The following LAMA1 variants were observed in gnomAD, a reference collection of about 807,000 sequenced individuals.
LAMA1 encodes laminin subunit alpha-1.
In LAMA1, 219 loss-of-function variants were observed where a neutral mutation model predicts 348.7. The observed-to-expected ratio is 0.63, with a 90% CI of 0.56 to 0.70. The LOEUF is 0.70. Among genes scored for constraint, LAMA1 ranks in the 30% least tolerant of loss-of-function variants. The pLI, the probability that LAMA1 is intolerant of heterozygous loss-of-function variation, is 0.00. For missense variants in LAMA1, 3,744 were observed against 3,888.0 expected (o/e 0.96, Z 0.99); for synonymous variants, 1,487 against 1,491.0 (o/e 1.00, Z 0.06).
At position 7,020,743 on chromosome 18, in the gene LAMA1, C is replaced by T. The variant is rs2057911696; in HGVS notation, c.2701+2421G>A. Among the ~76,000 whole-genome samples the T allele has an allele frequency of 2.0e-5, 3 of 152,328 alleles. No individual in the cohort carries two copies. In the South Asian group the frequency reaches 6.2e-4, roughly 32 times the overall value. ...ACCTATTTTACGTCTTCTCTTTTAT[C>T]TCCATGGCAAAGGCCCTACCTGAAG... is the stretch of plus-strand genomic sequence containing the variant. On this transcript the variant is annotated intron_variant, in intron 19 of 62. Coordinates refer to ENST00000389658, the MANE Select transcript of LAMA1 (RefSeq NM_005559.4).
chr18:7,071,566 G>T (rs959740518), intron 3 of LAMA1, among the ~76,000 whole-genome samples: 1 of 152,178 alleles, frequency 6.6e-6, no homozygotes, highest in Non-Finnish European at 1.5e-5. Flanking sequence ...AAAATGTCAG[G>T]CCTGAGGATT....
At chr18:6,986,652 T>C (rs2057736990) in intron 36 of LAMA1, among the ~76,000 whole-genome samples, 1 of 152,040 alleles carries the variant, frequency 6.6e-6, no homozygotes, top group South Asian at 2.1e-4. Flanking sequence ...CATGTTCCCA[T>C]ATAGTTTGCT....
At chr18:7,095,926 G>A (rs1263425876) in intron 1 of LAMA1, among the ~76,000 whole-genome samples, 1 of 152,222 alleles carries the variant, frequency 6.6e-6, no homozygotes, top group African/African-American at 2.4e-5. Flanking sequence ...AAATTCGCCA[G>A]GCGTGGTGGC....
intron 16 of LAMA1, among the ~76,000 whole-genome samples, chr18:7,030,073 T>G (rs924137416): frequency 6.6e-6 from 1 of 152,190 alleles, no homozygotes; most frequent in Non-Finnish European, 1.5e-5. Context: ...TTATTATTTT[T>G]GCCCTCTCAA....
chr18:7,098,909 C>T (rs1471858764), intron 1 of LAMA1, among the ~76,000 whole-genome samples: 4 of 150,872 alleles, frequency 2.7e-5, no homozygotes, highest in Non-Finnish European at 4.4e-5. Context: ...TCTGCCCGGC[C>T]GCCCCTACTG....
intron 38 of LAMA1, 31 bp from the exon 39 acceptor site, chr18:6,985,431 T>G: frequency 6.2e-7 from 1 of 1,611,914 alleles, no homozygotes; most frequent in South Asian, 1.1e-5. Context: ...TGTAAATATA[T>G]GCACATCTAC....
Position 7,117,796 on chromosome 18 carries a change from C to T in LAMA1, c.-76G>A, listed in dbSNP as rs2058364489. ...CTGGAACGCTCCACGGGACGCGAGT[C>T]CGCGCTGCCCTGGCCCCGCCGCTCC... On this transcript the variant is annotated 5_prime_UTR_variant, in exon 1 of 63. Transcript: ENST00000389658. 7.4e-7 allele frequency: 1 copy of T among 1,346,928 alleles called. No homozygotes were observed. The highest frequency in any genetic ancestry group is 1.0e-6 in the Non-Finnish European group (1 of 981,824). The allele number at this position is 1,346,928 out of a possible 1,614,324, so 83.4% of individuals were successfully genotyped here.
chr18:7,039,979 C>CT (rs2058013180), intron 10 of LAMA1, 97 bp downstream of exon 10: 1 of 1,425,400 alleles, frequency 7.0e-7, no homozygotes, highest in South Asian at 1.2e-5. Context: ...AACCTTACCA[C>CT]TTTGCTCAAG....
At chr18:6,976,230 C>A in intron 44 of LAMA1, 150 bp from the exon 45 acceptor site, 1 of 743,270 alleles carries the variant, frequency 1.3e-6, no homozygotes, top group South Asian at 1.5e-5. Context: ...CATGAAGTGA[C>A]ATATCAGATG....
At chr18:7,026,596 T>C (rs1158015828) in intron 16 of LAMA1, among the ~76,000 whole-genome samples, 4 of 152,194 alleles carry the variant, frequency 2.6e-5, no homozygotes, top group Admixed American at 2.6e-4. Context: ...GGGACTCCCA[T>C]TGGCAGTGCT....
intron 1 of LAMA1, among the ~76,000 whole-genome samples, chr18:7,094,767 G>A (rs910127678): frequency 2.0e-5 from 3 of 152,146 alleles, no homozygotes; most frequent in South Asian, 4.1e-4. Context: ...AACAACCAGG[G>A]AAATCTATTA....
rs146275876 is a variant in LAMA1, at chr18:7,041,472, C to T, written c.1261+673G>A. On this transcript the variant is annotated intron_variant, in intron 9 of 62. Transcript: ENST00000389658. ...TTACCCTCCCCATCGCTGGGGGGCC[C>T]ACCCATCCCTACTGGTCGATATCCA... Among the ~76,000 whole-genome samples the T allele has an allele frequency of 4.1e-3, 629 of 152,312 alleles. 1 individual carries two copies. The highest frequency in any genetic ancestry group is 6.5e-3 in the Admixed American group (99 of 15,304).
At chr18:6,945,552 C>G (rs1367790587) in intron 61 of LAMA1, among the ~76,000 whole-genome samples, 1 of 152,160 alleles carries the variant, frequency 6.6e-6, no homozygotes, top group Non-Finnish European at 1.5e-5. Flanking sequence ...ACTCCCACAA[C>G]AACAAACATT....
chr18:7,003,861 G>A (rs1405245535), intron 29 of LAMA1, among the ~76,000 whole-genome samples: 3 of 152,192 alleles, frequency 2.0e-5, no homozygotes, highest in Admixed American at 2.0e-4. Context: ...TCATTTTAAA[G>A]TTCTATTCCT....
At chr18:6,985,671 G>T in intron 37 of LAMA1, 28 bp from the exon 38 acceptor site, 1 of 1,534,114 alleles carries the variant, frequency 6.5e-7, no homozygotes, top group Non-Finnish European at 9.0e-7. Context: ...TTTTAAGGGT[G>T]CTTCATAAAA....
chr18:7,100,935 G>A lies in LAMA1; in HGVS notation c.61+16725C>T, dbSNP rs142730234. ...TGAGGCAGGACAATCACTTGAACCC[G>A]GGAGGTGGAGGCTGCAGTGAGCCAA... is the stretch of plus-strand genomic sequence containing the variant. On this transcript the variant is annotated intron_variant, in intron 1 of 62. Coordinates refer to ENST00000389658, the MANE Select transcript of LAMA1 (RefSeq NM_005559.4). 1.3e-3 allele frequency among the ~76,000 whole-genome samples: 205 copies of A among 152,206 alleles called. 1 individual carries two copies. Among genetic ancestry groups the A allele is most frequent in the African/African-American group, 4.7e-3 (194 of 41,534 alleles).
intron 1 of LAMA1, among the ~76,000 whole-genome samples, chr18:7,091,970 A>G (rs762979753): frequency 6.6e-6 from 1 of 152,208 alleles, no homozygotes; most frequent in Non-Finnish European, 1.5e-5. Flanking sequence ...ATTCCAGTAC[A>G]TATCTAAAGG....
At chr18:7,018,254 T>C (rs577820671) in intron 19 of LAMA1, among the ~76,000 whole-genome samples, 7 of 129,280 alleles carry the variant, frequency 5.4e-5, no homozygotes, top group Admixed American at 2.8e-4. Context: ...GAGAATCTCG[T>C]GAACCTGGGA....
rs556929575 is a variant in LAMA1, at chr18:7,052,975, G to A, written c.346-2039C>T. 2.2e-4 allele frequency among the ~76,000 whole-genome samples: 34 copies of A among 152,246 alleles called. No individual in the cohort carries two copies. In the South Asian group the frequency reaches 2.5e-3, roughly 11 times the overall value. On this transcript the variant is annotated intron_variant, in intron 3 of 62. Coordinates refer to ENST00000389658, the MANE Select transcript of LAMA1 (RefSeq NM_005559.4). ...GCGGAGGTTGTAGTGAGCCGAGATC[G>A]TGCCACTGCACTCCAGCCTGGGCAA...
Sources: gnomAD v4.1 joint callset for allele counts (sites outside exome capture counted in the v4.1 genomes callset) on GRCh38, gnomAD v4.1.1 for gene constraint, MANE v1.5 for transcripts, NCBI Gene and HGNC (gene_info 2026-07-23, HGNC 2026-07-21) for gene names.